Variants in CDON observed in about 807,000 individuals in gnomAD.
CDON encodes cell adhesion associated, oncogene regulated, also known as cell adhesion molecule-related/down-regulated by oncogenes.
In CDON, 73 loss-of-function variants were observed where a neutral mutation model predicts 120.9. The ratio of observed to expected loss-of-function variants is 0.60; its 90% CI spans 0.50 to 0.73. The LOEUF (loss-of-function observed/expected upper bound fraction) is 0.73. Ranked by LOEUF, CDON falls within the 30% of genes least tolerant of loss-of-function variation. CDON has a pLI of 0.00. For missense variants in CDON, 1,470 were observed against 1,587.3 expected (o/e 0.93, Z 1.26); for synonymous variants, 566 against 573.5 (o/e 0.99, Z 0.19).
At chr11:126,013,889 T>G (rs1054718645) in intron 7 of CDON, among the ~76,000 whole-genome samples, 1 of 152,116 alleles carries the variant, frequency 6.6e-6, no homozygotes, top group Admixed American at 6.5e-5. Context: ...AATTTTCTTT[T>G]ACAGCCACAG....
intron 16 of CDON, among the ~76,000 whole-genome samples, chr11:125,981,970 C>CTATTTTTTTT: frequency 1.8e-5 from 1 of 54,290 alleles, no homozygotes; most frequent in Non-Finnish European, 3.1e-5. Flanking sequence ...ATTCTATTTT[C>CTATTTTTTTT]TTTTTTTTTT....
rs771079195 is a variant in CDON, at chr11:126,021,376, T to C, written c.221A>G (p.His74Arg). The C allele has an allele frequency of 9.3e-6, 15 of 1,614,128 alleles. No homozygotes were observed. The highest frequency in any genetic ancestry group is 1.1e-5 in the Non-Finnish European group (13 of 1,180,004). ...CAGAGTCCCCTGATGAATCTTAACA[T>C]GTTCCAGGTTTCCATCCAATGTTTT... ...NGKTLDGNLE[H>R]VKIHQGTLTI... The change falls in exon 3 of 20, where the codon CAT (histidine) becomes CGT (arginine). Residue 74 changes from histidine (H) to arginine (R), a missense_variant. His to Arg is a conservative substitution (Grantham distance 29). Coordinates refer to ENST00000531738, the MANE Select transcript of CDON (RefSeq NM_001378964.1).
intron 1 of CDON, among the ~76,000 whole-genome samples, chr11:126,050,495 A>AACACACACACACAC (rs10643446): frequency 2.0e-4 from 29 of 143,106 alleles, no homozygotes; most frequent in African/African-American, 7.1e-4. Flanking sequence ...GTAAGTAGCA[A>AACACACACACACAC]ACACACACAC....
At chr11:125,984,408 C>T (rs992320516) in intron 15 of CDON, among the ~76,000 whole-genome samples, 4 of 152,218 alleles carry the variant, frequency 2.6e-5, no homozygotes, top group Admixed American at 6.5e-5. Context: ...AAAAGTGTTT[C>T]CACTTAGGCC....
At chr11:126,008,462 A>G (rs1406133681) in intron 8 of CDON, among the ~76,000 whole-genome samples, 1 of 152,218 alleles carries the variant, frequency 6.6e-6, no homozygotes. Context: ...ACCATACATA[A>G]AAGTAGTATT....
At chr11:125,983,028 C>T (rs1261851826) in intron 16 of CDON, among the ~76,000 whole-genome samples, 1 of 152,136 alleles carries the variant, frequency 6.6e-6, no homozygotes, top group African/African-American at 2.4e-5. Context: ...TACTTTCTTC[C>T]CCCAGAACTG....
chr11:126,018,179 G>T, intron 5 of CDON, 151 bp downstream of exon 5: 1 of 778,306 alleles, frequency 1.3e-6, no homozygotes, highest in Non-Finnish European at 2.1e-6. Flanking sequence ...AGATCACAGG[G>T]GTGACCCACC....
At chr11:125,972,417 ACT>A (rs1427556098) in intron 18 of CDON, among the ~76,000 whole-genome samples, 4 of 151,914 alleles carry the variant, frequency 2.6e-5, no homozygotes, top group Non-Finnish European at 5.9e-5. Flanking sequence ...CTGGAGTGAG[ACT>A]CTGTCTCAAA....
At chr11:125,982,044 C>T (rs1452914416) in intron 16 of CDON, among the ~76,000 whole-genome samples, 1 of 118,528 alleles carries the variant, frequency 8.4e-6, no homozygotes, top group African/African-American at 3.2e-5. Flanking sequence ...AGTGCAATGG[C>T]GTGATCTTGG....
At chr11:126,050,535 C>CA (rs1555140424) in intron 1 of CDON, among the ~76,000 whole-genome samples, 5 of 138,992 alleles carry the variant, frequency 3.6e-5, no homozygotes, top group South Asian at 2.3e-4. Context: ...CACACACAAA[C>CA]AAAAAAAAGT....
At chr11:126,062,964 G>A (rs1948842443), upstream of CDON, among the ~76,000 whole-genome samples, 1 of 151,756 alleles carries the variant, frequency 6.6e-6, no homozygotes, top group Non-Finnish European at 1.5e-5. Context: ...CGAGCAGCGG[G>A]AGGAGGGACC....
At chr11:126,052,862 T>C (rs556736596) in intron 1 of CDON, among the ~76,000 whole-genome samples, 2 of 152,094 alleles carry the variant, frequency 1.3e-5, no homozygotes, top group Admixed American at 1.3e-4. Flanking sequence ...ATATACTGTA[T>C]AACAGCTATT....
intron 18 of CDON, among the ~76,000 whole-genome samples, chr11:125,970,467 C>T (rs939234165): frequency 6.6e-6 from 1 of 151,794 alleles, no homozygotes; most frequent in African/African-American, 2.4e-5. Context: ...GCCACCGCAC[C>T]CGGCCAGTAG....
intron 1 of CDON, among the ~76,000 whole-genome samples, chr11:126,027,969 CTTT>C (rs769832631): frequency 1.3e-4 from 16 of 125,752 alleles, no homozygotes; most frequent in Non-Finnish European, 2.0e-4. Flanking sequence ...ATCACTCTGC[CTTT>C]TTTTTTTTTT....
At chr11:126,048,398 C>G (rs564212353) in intron 1 of CDON, among the ~76,000 whole-genome samples, 1 of 152,112 alleles carries the variant, frequency 6.6e-6, no homozygotes, top group East Asian at 1.9e-4. Context: ...TTGTATTAAT[C>G]TGTTGGTAAT....
chr11:126,038,794 T>C (rs1042238280), intron 1 of CDON, among the ~76,000 whole-genome samples: 1 of 152,206 alleles, frequency 6.6e-6, no homozygotes, highest in Non-Finnish European at 1.5e-5. Context: ...TCTTCCTAGC[T>C]TCCCTGCCAA....
chr11:125,967,850 A>G (rs1246678583), intron 18 of CDON, among the ~76,000 whole-genome samples: 1 of 152,140 alleles, frequency 6.6e-6, no homozygotes, highest in African/African-American at 2.4e-5. Context: ...ATCAGACTCA[A>G]TCAGACTACA....
chr11:126,001,848 T>C lies in CDON; in HGVS notation c.2029A>G (p.Lys677Glu). Residue 677 changes from lysine (K) to glutamate (E), a missense_variant and splice_region_variant, in exon 11 of 20, where the codon AAA becomes GAA. Lys to Glu is a moderately conservative substitution (Grantham distance 56). Transcript: ENST00000531738. ...AMLTFRTSKE[K>E]TASSKNTQAS... Reference sequence around the variant, plus strand: ...TGGGTGTTTTTTGATGACGCTGTTTTTTCTAGAAAGGTAAATAAACATATA... The same window carrying C: ...TGGGTGTTTTTTGATGACGCTGTTTCTTCTAGAAAGGTAAATAAACATATA... The C allele has an allele frequency of 6.3e-7, 1 of 1,595,408 alleles. No homozygotes were observed. The highest frequency in any genetic ancestry group is 8.6e-7 in the Non-Finnish European group (1 of 1,162,764).
intron 14 of CDON, among the ~76,000 whole-genome samples, chr11:125,991,900 T>C (rs1238661049): frequency 1.3e-5 from 2 of 152,186 alleles, no homozygotes; most frequent in Non-Finnish European, 2.9e-5. Context: ...TACTACTAGA[T>C]ATAAAAGCTT....
Sources: allele counts gnomAD v4.1 joint callset (sites outside exome capture counted in the v4.1 genomes callset), GRCh38; gene constraint gnomAD v4.1.1; transcripts MANE v1.5; gene names NCBI Gene and HGNC (gene_info 2026-07-23, HGNC 2026-07-21).